NRXN1: variants seen among roughly 807,000 people sequenced by gnomAD.
The protein encoded by NRXN1 is neurexin-1.
NRXN1 carries 39 observed loss-of-function variants against 150.9 expected under a neutral mutation model. That is an observed-to-expected ratio of 0.26 (90% CI 0.20 to 0.34). NRXN1 has a LOEUF of 0.34. Ranked by LOEUF, NRXN1 falls within the 10% of genes least tolerant of loss-of-function variation. NRXN1 has a pLI of 1.00. For synonymous variants in NRXN1, 924 were observed against 757.0 expected (o/e 1.22, Z -3.62); for missense variants, 1,815 against 1,949.9 (o/e 0.93, Z 1.30).
chr2:49,920,643 G>C lies in NRXN1; in HGVS notation c.*1301C>G, dbSNP rs1021272823. On this transcript the variant is annotated 3_prime_UTR_variant, in exon 23 of 23. Coordinates refer to ENST00000401669, the MANE Select transcript of NRXN1 (RefSeq NM_001330078.2). ...CTTTTCAATTTGTCAATAAATATTT[G>C]CTACTGTATGCACGTTTGGATCTTC... is the stretch of plus-strand genomic sequence containing the variant. The C allele has an allele frequency of 2.0e-5, 3 of 151,684 alleles. No homozygotes were observed. Among genetic ancestry groups the C allele is most frequent in the Non-Finnish European group, 4.4e-5 (3 of 67,968 alleles). The allele number at this position is 151,684 out of a possible 1,614,324, so 9.4% of individuals were successfully genotyped here. A position where few individuals can be genotyped will look rare whatever the true frequency, so the allele number is the denominator to read the frequency against.
chr2:50,048,066 A>C (rs1284314311), intron 21 of NRXN1, among the ~76,000 whole-genome samples: 1 of 152,122 alleles, frequency 6.6e-6, no homozygotes, highest in Non-Finnish European at 1.5e-5. Flanking sequence ...AAATCCTTTA[A>C]AATGCATTAC....
At position 50,986,875 on chromosome 2, in the gene NRXN1, G is replaced by A. The variant is rs992803044; in HGVS notation, c.772+40627C>T. Among the ~76,000 whole-genome samples the A allele has an allele frequency of 4.1e-4, 62 of 151,806 alleles. 1 individual carries two copies. The highest frequency in any genetic ancestry group is 1.4e-3 in the African/African-American group (60 of 41,508). On this transcript the variant is annotated intron_variant, in intron 2 of 22. Transcript: ENST00000401669. ...AAACACAATTGACATAGATATATAT[G>A]TATATATGCGTAAATGTACAGAAAG... is the stretch of plus-strand genomic sequence containing the variant.
chr2:51,007,845 T>C (rs959058472), intron 2 of NRXN1, among the ~76,000 whole-genome samples: 1 of 151,892 alleles, frequency 6.6e-6, no homozygotes, highest in Non-Finnish European at 1.5e-5. Context: ...CTTAGGTATA[T>C]TGTTTGAATA....
intron 2 of NRXN1, among the ~76,000 whole-genome samples, chr2:50,996,446 T>C (rs1451380806): frequency 1.3e-5 from 2 of 152,072 alleles, no homozygotes; most frequent in African/African-American, 4.8e-5. Flanking sequence ...AACTTTTACA[T>C]GTATGTATGT....
intron 2 of NRXN1, among the ~76,000 whole-genome samples, chr2:50,986,280 T>C (rs375123999): frequency 5.3e-5 from 8 of 151,824 alleles, no homozygotes; most frequent in Admixed American, 6.6e-5. Flanking sequence ...GTAACGTAAA[T>C]TGGCAGTAGT....
At position 50,982,485 on chromosome 2, in the gene NRXN1, G is replaced by T. The variant is rs189640716; in HGVS notation, c.772+45017C>A. Reference sequence around the variant, plus strand: ...ACAACACTAACCTGACATCAAAAAGGCCTGTTCATATTACTAACATTAACA... The same window carrying T: ...ACAACACTAACCTGACATCAAAAAGTCCTGTTCATATTACTAACATTAACA... On this transcript the variant is annotated intron_variant, in intron 2 of 22. Transcript: ENST00000401669. Among the ~76,000 whole-genome samples, 12 of 152,120 alleles carry T rather than the reference G, an allele frequency of 7.9e-5. No individual in the cohort carries two copies. In the East Asian group the frequency reaches 1.9e-3, roughly 25 times the overall value.
At chr2:50,938,463 T>A (rs1472040151) in intron 2 of NRXN1, among the ~76,000 whole-genome samples, 2 of 152,162 alleles carry the variant, frequency 1.3e-5, no homozygotes, top group South Asian at 2.1e-4. Flanking sequence ...CTTTCCCATA[T>A]CTTCCTGTCT....
chr2:50,590,784 T>C (rs1275221920), intron 8 of NRXN1, among the ~76,000 whole-genome samples: 1 of 152,178 alleles, frequency 6.6e-6, no homozygotes, highest in African/African-American at 2.4e-5. Context: ...AGAGCCTTCA[T>C]CTTGGAGTTC....
intron 17 of NRXN1, among the ~76,000 whole-genome samples, chr2:50,352,448 A>C (rs1364790047): frequency 2.0e-5 from 3 of 152,126 alleles, no homozygotes; most frequent in Admixed American, 2.0e-4. Context: ...AGTAGACACT[A>C]AAATCAGCAG....
intron 2 of NRXN1, among the ~76,000 whole-genome samples, chr2:50,966,888 CA>C (rs1420933751): frequency 6.6e-6 from 1 of 151,896 alleles, no homozygotes; most frequent in Non-Finnish European, 1.5e-5. Context: ...AACAAGACAG[CA>C]ATCCTTCCAA....
At chr2:50,355,747 C>A (rs531697495) in intron 17 of NRXN1, among the ~76,000 whole-genome samples, 2 of 151,950 alleles carry the variant, frequency 1.3e-5, no homozygotes, top group South Asian at 4.2e-4. Flanking sequence ...TTACAAATAC[C>A]TAAAAAAAGA....
chr2:50,014,296 A>T (rs1477726574), intron 21 of NRXN1, among the ~76,000 whole-genome samples: 2 of 152,084 alleles, frequency 1.3e-5, no homozygotes, highest in African/African-American at 4.8e-5. Context: ...ATGAATGATG[A>T]TCATGGTTAG....
intron 17 of NRXN1, among the ~76,000 whole-genome samples, chr2:50,443,192 A>G (rs1558740599): frequency 6.6e-6 from 1 of 152,320 alleles, no homozygotes; most frequent in East Asian, 1.9e-4. Context: ...AGTACAATCC[A>G]TTAAATAATA....
At position 50,248,670 on chromosome 2, in the gene NRXN1, T is replaced by C. The variant is rs370739271; in HGVS notation, c.3365-11700A>G. 2.6e-5 allele frequency among the ~76,000 whole-genome samples: 4 copies of C among 152,300 alleles called. No individual in the cohort carries two copies. The East Asian group carries it at 5.8e-4, about 22-fold the overall frequency. On this transcript the variant is annotated intron_variant, in intron 17 of 22. Coordinates refer to ENST00000401669, the MANE Select transcript of NRXN1 (RefSeq NM_001330078.2). ...TATCATAATGTCATTGTAAATATCA[T>C]TGAAATTCTTATGAAATGTTTTCCA...
chr2:49,956,012 G>C (rs1315206130), intron 21 of NRXN1, among the ~76,000 whole-genome samples: 1 of 151,976 alleles, frequency 6.6e-6, no homozygotes, highest in East Asian at 1.9e-4. Flanking sequence ...GTTTCTTTTG[G>C]GTTTGGAGAA....
intron 19 of NRXN1, among the ~76,000 whole-genome samples, chr2:50,056,881 G>A (rs745524406): frequency 6.6e-6 from 1 of 151,978 alleles, no homozygotes; most frequent in African/African-American, 2.4e-5. Flanking sequence ...AACTCACATT[G>A]GCATAACACT....
At chr2:50,180,646 C>G (rs192769798) in intron 18 of NRXN1, among the ~76,000 whole-genome samples, 1 of 152,096 alleles carries the variant, frequency 6.6e-6, no homozygotes, top group Non-Finnish European at 1.5e-5. Context: ...ATACAGCACT[C>G]GAGGCCCCAT....
intron 21 of NRXN1, among the ~76,000 whole-genome samples, chr2:49,947,919 A>G (rs1289077368): frequency 2.0e-5 from 3 of 152,042 alleles, no homozygotes; most frequent in Non-Finnish European, 4.4e-5. Context: ...TTTTTTCAAT[A>G]TTTCATGAAT....
At position 50,320,303 on chromosome 2, in the gene NRXN1, T is replaced by C. The variant is rs1462964186; in HGVS notation, c.3365-83333A>G. On this transcript the variant is annotated intron_variant, in intron 17 of 22. Transcript: ENST00000401669. ...TCAATCATATATATATATATATATA[T>C]ATATATATATATATATATATATATA... 2.0e-4 allele frequency among the ~76,000 whole-genome samples: 24 copies of C among 119,886 alleles called. 1 individual carries two copies. Among genetic ancestry groups the C allele is most frequent in the South Asian group, 1.9e-3 (7 of 3,660 alleles). 78.6% of individuals were successfully genotyped at this position (119,886 alleles called of 152,430 possible).
Sources: gnomAD v4.1 joint callset for allele counts (sites outside exome capture counted in the v4.1 genomes callset) on GRCh38, gnomAD v4.1.1 for gene constraint, MANE v1.5 for transcripts, NCBI Gene and HGNC (gene_info 2026-07-23, HGNC 2026-07-21) for gene names.